ABCB4: variants seen among roughly 807,000 people sequenced by gnomAD.
ABCB4 encodes phosphatidylcholine translocator ABCB4.
ABCB4 carries 76 observed loss-of-function variants against 145.7 expected under a neutral mutation model. That is an observed-to-expected ratio of 0.52 (90% CI 0.43 to 0.63). The LOEUF (loss-of-function observed/expected upper bound fraction) is 0.63, where lower values mean the gene tolerates loss of function less well. Among genes scored for constraint, ABCB4 ranks in the 30% least tolerant of loss-of-function variants. The pLI is 0.00. For missense variants in ABCB4, 1,234 were observed against 1,553.1 expected (o/e 0.79, Z 3.45); for synonymous variants, 517 against 566.8 (o/e 0.91, Z 1.25).
intron 15 of ABCB4, among the ~76,000 whole-genome samples, chr7:87,429,643 T>C (rs991264727): frequency 6.6e-6 from 1 of 152,182 alleles, no homozygotes; most frequent in Non-Finnish European, 1.5e-5. Context: ...TAACCACTCA[T>C]GAAATTAAAA....
At position 87,451,655 on chromosome 7, in the gene ABCB4, T is replaced by G. The variant is rs761724667; in HGVS notation, c.676A>C (p.Ile226Leu). ...CAAACGGCTGCAGAGAGTCCTAGAA[T>G]AGGGCTGATGGCCATTATCACAAGG... ...LTLVIMAISP[I>L]LGLSAAVWAK... Residue 226 changes from isoleucine (I) to leucine (L), a missense_variant, in exon 7 of 28, where the codon ATT becomes CTT. Ile to Leu is a conservative substitution (Grantham distance 5). This residue lies in a region of ABCB4 where 467 missense variants were observed against 632.8 expected (regional missense o/e 0.74). Transcript: ENST00000649586. 3 of 1,614,038 alleles carry G rather than the reference T, an allele frequency of 1.9e-6. No individual in the cohort carries two copies.
At chr7:87,374,184 G>A in the ABCB4 span, among the ~76,000 whole-genome samples, 25 of 152,048 alleles carry the variant, frequency 1.6e-4, no homozygotes, top group Non-Finnish European at 2.5e-4. Context: ...AAAATTAGAT[G>A]TGTAGCTGAA....
At chr7:87,366,244 T>G in the ABCB4 span, among the ~76,000 whole-genome samples, 28 of 151,526 alleles carry the variant, frequency 1.8e-4, no homozygotes, top group Admixed American at 7.9e-4. Flanking sequence ...AAGGGGGAAT[T>G]TTTTTTTTCT....
the ABCB4 span, chr7:87,392,934 A>T: frequency 6.2e-7 from 1 of 1,613,184 alleles, no homozygotes; most frequent in Non-Finnish European, 8.5e-7. Flanking sequence ...ATGTTCTTTT[A>T]TTGTGCCACA....
chr7:87,460,690 G>T (rs114895034), intron 4 of ABCB4, among the ~76,000 whole-genome samples: 1 of 151,248 alleles, frequency 6.6e-6, no homozygotes, highest in South Asian at 2.1e-4. Context: ...TTGCACTGTC[G>T]CCCAGGCTGG....
intron 4 of ABCB4, among the ~76,000 whole-genome samples, chr7:87,456,421 T>A (rs1265057884): frequency 6.6e-6 from 1 of 152,110 alleles, no homozygotes; most frequent in East Asian, 1.9e-4. Flanking sequence ...CCTGAGATAA[T>A]GAGCGAGTTC....
In ABCB4 at chr7:87,453,216, C is replaced by T. The variant is rs552077287; in HGVS notation, c.345-81G>A. ...TTTTCTTTTCTGAAACTGAGTCTCA[C>T]TCTGTCACCCAGGCTGGAGTGCAGT... On this transcript the variant is annotated intron_variant, in intron 5 of 27. Transcript: ENST00000649586. 40 of 1,397,184 alleles carry T rather than the reference C, an allele frequency of 2.9e-5. No individual in the cohort carries two copies. The African/African-American group carries it at 3.6e-4, about 13-fold the overall frequency. 86.5% of individuals were successfully genotyped at this position (1,397,184 alleles called of 1,614,324 possible). A position where few individuals can be genotyped will look rare whatever the true frequency, so the allele number is the denominator to read the frequency against.
chr7:87,463,013 A>G (rs887247172), intron 3 of ABCB4, 105 bp from the exon 4 acceptor site: 8 of 1,030,368 alleles, frequency 7.8e-6, no homozygotes, highest in Non-Finnish European at 1.2e-5. Context: ...CTTTTTTAAG[A>G]GTTGTAAATG....
At chr7:87,433,524 A>G (rs113121970) in intron 14 of ABCB4, among the ~76,000 whole-genome samples, 5 of 152,302 alleles carry the variant, frequency 3.3e-5, no homozygotes, top group Non-Finnish European at 7.4e-5. Flanking sequence ...GTCAACATAT[A>G]TACACAAAGG....
chr7:87,402,162 C>T lies in ABCB4; in HGVS notation c.3774G>A (p.Gln1258=), dbSNP rs763393440. The T allele has an allele frequency of 1.2e-6, 2 of 1,614,088 alleles. No individual in the cohort carries two copies. Among genetic ancestry groups the T allele is most frequent in the South Asian group, 2.2e-5 (2 of 91,078 alleles). Residue 1258 remains glutamine, a synonymous_variant, in exon 28 of 28, where the codon CAG becomes CAA. Coordinates refer to ENST00000649586, the MANE Select transcript of ABCB4 (RefSeq NM_000443.4). Reference sequence around the variant, plus strand: ...AATAGATGCCTTTCTGTGCCAGCAGCTGCTGATGCGTGCCATGCTCCTTGA... The same window carrying T: ...AATAGATGCCTTTCTGTGCCAGCAGTTGCTGATGCGTGCCATGCTCCTTGA... ...GRVKEHGTHQ[Q]LLAQKGIYFS...
chr7:87,432,826 C>T (rs546649715), intron 14 of ABCB4, among the ~76,000 whole-genome samples: 1 of 152,076 alleles, frequency 6.6e-6, no homozygotes, highest in South Asian at 2.1e-4. Context: ...CTAAAAACCC[C>T]GGAATTGTAT....
In ABCB4 at chr7:87,454,435, T is replaced by C. The variant is rs534595101; in HGVS notation, c.344+100A>G. 2.5e-5 allele frequency: 24 copies of C among 957,662 alleles called. No individual in the cohort carries two copies. The South Asian group carries it at 3.0e-4, about 12-fold the overall frequency. The allele number at this position is 957,662 out of a possible 1,614,324, so 59.3% of individuals were successfully genotyped here. A position where few individuals can be genotyped will look rare whatever the true frequency, so the allele number is the denominator to read the frequency against. Reference sequence around the variant, plus strand: ...CAAAAATGATAATAATAGGTGAATCTGGGTAAAGAGTACACGTTATTTGTA... The same window carrying C: ...CAAAAATGATAATAATAGGTGAATCCGGGTAAAGAGTACACGTTATTTGTA... On this transcript the variant is annotated intron_variant, in intron 5 of 27. Coordinates refer to ENST00000649586, the MANE Select transcript of ABCB4 (RefSeq NM_000443.4).
chr7:87,456,740 C>T lies in ABCB4; in HGVS notation c.287-2148G>A, dbSNP rs1223914579. Among the ~76,000 whole-genome samples the T allele has an allele frequency of 8.5e-5, 13 of 152,276 alleles. No homozygotes were observed. The South Asian group carries it at 1.0e-3, about 12-fold the overall frequency. On this transcript the variant is annotated intron_variant, in intron 4 of 27. Coordinates refer to ENST00000649586, the MANE Select transcript of ABCB4 (RefSeq NM_000443.4). Reference sequence around the variant, plus strand: ...TCCCTCCTAGGAAAGAATCTATGAGCGTTCCAGATTGGACCCGCTCCTTTC... The same window carrying T: ...TCCCTCCTAGGAAAGAATCTATGAGTGTTCCAGATTGGACCCGCTCCTTTC...
At chr7:87,413,478 G>C in intron 22 of ABCB4, 139 bp downstream of exon 22, 1 of 653,788 alleles carries the variant, frequency 1.5e-6, no homozygotes, top group South Asian at 1.7e-5. Flanking sequence ...CTTATTTTCA[G>C]TGACAGAATT....
chr7:87,398,765 A>C, downstream of ABCB4: 1 of 897,502 alleles, frequency 1.1e-6, no homozygotes, highest in Non-Finnish European at 1.7e-6. Context: ...CAAGTTAAGA[A>C]AACTTGTTAA....
the ABCB4 span, among the ~76,000 whole-genome samples, chr7:87,393,986 G>A: frequency 6.6e-6 from 1 of 152,034 alleles, no homozygotes; most frequent in African/African-American, 2.4e-5. Context: ...ACAGATACTA[G>A]TCTATTTCAT....
At chr7:87,428,424 G>C (rs1809981748) in intron 15 of ABCB4, among the ~76,000 whole-genome samples, 1 of 152,090 alleles carries the variant, frequency 6.6e-6, no homozygotes, top group African/African-American at 2.4e-5. Flanking sequence ...TAAAAAAGCA[G>C]AACAAAAAAT....
chr7:87,368,672 T>C, the ABCB4 span, among the ~76,000 whole-genome samples: 1 of 152,254 alleles, frequency 6.6e-6, no homozygotes, highest in Non-Finnish European at 1.5e-5. Flanking sequence ...GTCTTCTCTT[T>C]CTTCCTCTTT....
chr7:87,420,012 C>G lies in ABCB4; in HGVS notation c.2380G>C (p.Ala794Pro), dbSNP rs1809302126. The change falls in exon 19 of 28, where the codon GCA becomes CCA. Residue 794 changes from alanine to proline, a missense_variant. By Grantham distance (27) the Ala-to-Pro change is conservative (BLOSUM62 -1). This residue lies in a region of ABCB4 where 321 missense variants were observed against 332.6 expected (regional missense o/e 0.97). Coordinates refer to ENST00000649586, the MANE Select transcript of ABCB4 (RefSeq NM_000443.4). ...TRRLRSMAFK[A>P]MLRQDMSWFD... ...CACACTCCTACCTGTCTTAGCATTG[C>G]TTTAAAAGCCATTGACCGCAGTCTT... 6.2e-7 allele frequency: 1 copy of G among 1,614,100 alleles called. No homozygotes were observed. The highest frequency in any genetic ancestry group is 8.5e-7 in the Non-Finnish European group (1 of 1,179,964).
Sources: gnomAD v4.1 joint callset for allele counts (sites outside exome capture counted in the v4.1 genomes callset) on GRCh38, gnomAD v4.1.1 for gene constraint, gnomAD v4.1.1 regional missense constraint, MANE v1.5 for transcripts, NCBI Gene and HGNC (gene_info 2026-07-23, HGNC 2026-07-21) for gene names.